PIWIL1: variants seen among roughly 807,000 people sequenced by gnomAD.
The protein encoded by PIWIL1 is piwi-like protein 1.
PIWIL1 carries 73 observed loss-of-function variants against 114.4 expected under a neutral mutation model. The ratio of observed to expected loss-of-function variants is 0.64; its 90% CI spans 0.53 to 0.78. PIWIL1 has a LOEUF of 0.78. Ranked by LOEUF, PIWIL1 falls within the 30% of genes least tolerant of loss-of-function variation. The pLI is 0.00. For synonymous variants in PIWIL1, 375 were observed against 369.0 expected, an observed-to-expected ratio of 1.02 and a Z score of -0.19; for missense variants, 723 against 1,063.1, an observed-to-expected ratio of 0.68 and a Z score of 4.45.
At position 130,354,934 on chromosome 12, in the gene PIWIL1, A is replaced by G. The variant is rs1231908279; in HGVS notation, c.1218A>G (p.Leu406=). Residue 406 remains leucine, a synonymous_variant, in exon 11 of 21, where the codon TTA becomes TTG. Coordinates refer to ENST00000245255, the MANE Select transcript of PIWIL1 (RefSeq NM_004764.5). ...ATGATTTTAACGTGATGAAAGACTT[A>G]GCCGTTCATACAAGACTAACTCCAG... is the stretch of plus-strand genomic sequence containing the variant. ...MRNDFNVMKD[L]AVHTRLTPEQ... The G allele has an allele frequency of 1.2e-6, 2 of 1,614,046 alleles. No homozygotes were observed. The highest frequency in any genetic ancestry group is 3.3e-5 in the Admixed American group (2 of 60,028).
chr12:130,391,963 A>T, the PIWIL1 span, among the ~76,000 whole-genome samples: 9 of 47,098 alleles, frequency 1.9e-4, no homozygotes, highest in Non-Finnish European at 1.9e-4. Flanking sequence ...ACGTGTGTCC[A>T]TCAGTTACCT....
chr12:130,354,601 G>A lies in PIWIL1; in HGVS notation c.1109G>A (p.Arg370Gln), dbSNP rs369600464. 1.1e-5 allele frequency: 18 copies of A among 1,612,998 alleles called. No homozygotes were observed. The highest frequency in any genetic ancestry group is 3.3e-4 in the Middle Eastern group (2 of 6,072). The change falls in exon 10 of 21, where the codon CGG (arginine) becomes CAG (glutamine). Residue 370 changes from arginine to glutamine, a missense_variant. Arg to Gln is a conservative substitution (Grantham distance 43). Around this residue, in one of 8 missense-constraint regions of PIWIL1, gnomAD observed 298 missense variants for 420.8 expected, o/e 0.71. Coordinates refer to ENST00000245255, the MANE Select transcript of PIWIL1 (RefSeq NM_004764.5). ...PVLVSQPKRRRGPGGTLPGPA... is the reference protein window; with the variant it reads ...PVLVSQPKRRQGPGGTLPGPA... The stretch of plus-strand genomic sequence containing the variant: ...TTGGTCAGCCAGCCCAAGAGAAGGC[G>A]GGGCCCTGGGGGGACACTGCCAGGG...
At chr12:130,424,668 C>T in the PIWIL1 span, 1 of 1,231,904 alleles carries the variant, frequency 8.1e-7, no homozygotes, top group Non-Finnish European at 1.0e-6. This position sits in a 1 kb window ranked among gnomAD's most constrained non-coding sequence, Gnocchi z 9.8. Flanking sequence ...CCTGCCGGGC[C>T]TGGGCTCTCT....
intron 1 of PIWIL1, among the ~76,000 whole-genome samples, chr12:130,341,238 C>A (rs1342627792): frequency 6.6e-6 from 1 of 152,222 alleles, no homozygotes; most frequent in Non-Finnish European, 1.5e-5. Context: ...CTTCTCTTTC[C>A]AGTCCCACTG....
the PIWIL1 span, chr12:130,407,977 A>G: frequency 1.4e-6 from 1 of 696,268 alleles, no homozygotes; most frequent in African/African-American, 1.8e-5. Context: ...TCACATCAGC[A>G]AACGTCTCTA....
the PIWIL1 span, chr12:130,425,700 G>C: frequency 6.6e-6 from 1 of 152,390 alleles, no homozygotes; most frequent in Non-Finnish European, 1.5e-5. Context: ...TCTACCCAAA[G>C]AGCATGAAGG....
chr12:130,422,141 T>A, the PIWIL1 span, among the ~76,000 whole-genome samples: 1 of 152,096 alleles, frequency 6.6e-6, no homozygotes, highest in South Asian at 2.1e-4. The surrounding 1 kb of genome is among the most constrained non-coding windows in gnomAD (Gnocchi z 5.2). Context: ...ACCCTGAGTG[T>A]CCCAGGGAGC....
At chr12:130,378,127 A>C in the PIWIL1 span, among the ~76,000 whole-genome samples, 9 of 152,086 alleles carry the variant, frequency 5.9e-5, no homozygotes, top group Admixed American at 3.3e-4. Flanking sequence ...GAATGCCTAT[A>C]CCCTTCCTCC....
chr12:130,376,856 G>A (rs2073870490), downstream of PIWIL1, among the ~76,000 whole-genome samples: 1 of 152,212 alleles, frequency 6.6e-6, no homozygotes, highest in South Asian at 2.1e-4. Context: ...CAGGAACACA[G>A]AGTCGTTGCC....
chr12:130,342,448 AT>A, intron 1 of PIWIL1, 131 bp from the exon 2 acceptor site: 1 of 634,756 alleles, frequency 1.6e-6, no homozygotes, highest in East Asian at 2.7e-5. Context: ...GTCATTAAAG[AT>A]TAGAAGGATA....
Position 130,349,964 on chromosome 12 carries a change from G to A in PIWIL1, c.1041G>A (p.Arg347=). ...AAGTCAGCTTCTTAGAATACTACAG[G>A]AAGGTAAGATGCCAGTGGTTAGATC... The part of the protein sequence containing the change: ...GSEVSFLEYY[R]KQYNQEITDL... Residue 347 remains arginine (R), a synonymous_variant, in exon 9 of 21, where the codon AGG becomes AGA. Transcript: ENST00000245255. 6.3e-7 allele frequency: 1 copy of A among 1,576,446 alleles called. No homozygotes were observed. The highest frequency in any genetic ancestry group is 8.7e-7 in the Non-Finnish European group (1 of 1,150,366).
intron 18 of PIWIL1, among the ~76,000 whole-genome samples, chr12:130,365,881 A>G (rs2136189104): frequency 6.6e-6 from 1 of 152,334 alleles, no homozygotes; most frequent in South Asian, 2.1e-4. Context: ...CAACACGTTC[A>G]TTGTGGCTTT....
the PIWIL1 span, among the ~76,000 whole-genome samples, chr12:130,393,407 G>A: frequency 4.2e-3 from 485 of 116,772 alleles, no homozygotes; most frequent in South Asian, 0.026. Flanking sequence ...CATCACGTGG[G>A]TGCGTCAGTT....
chr12:130,370,757 T>C (rs1027008295), intron 19 of PIWIL1, among the ~76,000 whole-genome samples: 1 of 152,176 alleles, frequency 6.6e-6, no homozygotes, highest in African/African-American at 2.4e-5. Context: ...GGTAAAAGCA[T>C]GTTTGGGGAG....
the PIWIL1 span, chr12:130,422,309 T>C: frequency 1.8e-6 from 1 of 559,814 alleles, no homozygotes; most frequent in African/African-American, 1.9e-5. This position sits in a 1 kb window ranked among gnomAD's most constrained non-coding sequence, Gnocchi z 5.2. Context: ...TCTTGTGCTG[T>C]TCCTGCCTTC....
chr12:130,354,857 A>AT, intron 10 of PIWIL1, 31 bp from the exon 11 acceptor site: 1 of 1,494,976 alleles, frequency 6.7e-7, no homozygotes. Context: ...TTATTTCTTT[A>AT]ACCATATGCC....
intron 10 of PIWIL1, 23 bp downstream of exon 10, chr12:130,354,686 C>T (rs772879502): frequency 5.2e-6 from 8 of 1,550,156 alleles, no homozygotes; most frequent in African/African-American, 2.8e-5. Context: ...TTCATTTACT[C>T]GGAAGGAAGC....
intron 3 of PIWIL1, 115 bp from the exon 4 acceptor site, chr12:130,345,638 C>A: frequency 1.8e-6 from 2 of 1,102,256 alleles, no homozygotes; most frequent in Non-Finnish European, 2.7e-6. Context: ...TGTTTTATGC[C>A]TTGTCTTCTA....
the PIWIL1 span, among the ~76,000 whole-genome samples, chr12:130,392,856 G>A: frequency 9.4e-4 from 56 of 59,286 alleles, 3 homozygotes; most frequent in African/African-American, 1.2e-3. Context: ...CCGTCATCAC[G>A]TGTGTCCGTC....
Sources: gnomAD v4.1 joint callset for allele counts (sites outside exome capture counted in the v4.1 genomes callset) on GRCh38, gnomAD v4.1.1 for gene constraint, gnomAD v4.1.1 regional missense constraint, Gnocchi (gnomAD v3.1) non-coding constraint, MANE v1.5 for transcripts, NCBI Gene and HGNC (gene_info 2026-07-23, HGNC 2026-07-21) for gene names.